Variants in RP1 observed in about 807,000 individuals in gnomAD.
The protein encoded by RP1 is oxygen-regulated protein 1.
RP1 carries 16 observed loss-of-function variants against 14.8 expected under a neutral mutation model. That is an observed-to-expected ratio of 1.08 (90% CI 0.73 to 1.65). The LOEUF (loss-of-function observed/expected upper bound fraction) is 1.65. Ranked by LOEUF, RP1 falls within the 40% of genes most tolerant of loss-of-function variation. RP1 has a pLI of 0.00. For missense variants in RP1, 2,631 were observed against 2,535.0 expected (o/e 1.04, Z -0.81); for synonymous variants, 876 against 883.6 (o/e 0.99, Z 0.15).
intron 19 of RP1, among the ~76,000 whole-genome samples, chr8:54,746,012 C>T (rs1039669044): frequency 6.6e-6 from 1 of 152,126 alleles, no homozygotes; most frequent in Admixed American, 6.6e-5. Context: ...TTCACAATGA[C>T]CAAAGGCTGC....
At chr8:54,696,577 G>A in intron 12 of RP1, 1 of 731,106 alleles carries the variant, frequency 1.4e-6, no homozygotes. Flanking sequence ...ATGACTCCTG[G>A]CAGCAGAAAC....
At chr8:54,790,661 T>C (rs1810442614) in intron 24 of RP1, among the ~76,000 whole-genome samples, 1 of 151,120 alleles carries the variant, frequency 6.6e-6, no homozygotes, top group South Asian at 2.1e-4. Flanking sequence ...AACCATTAAA[T>C]AAAATTAAAA....
chr8:54,593,551 C>T (rs1805083327), intron 1 of RP1, among the ~76,000 whole-genome samples: 1 of 152,186 alleles, frequency 6.6e-6, no homozygotes, highest in African/African-American at 2.4e-5. Context: ...TTGGTAATCA[C>T]TCACAAGTCC....
rs75781343 is a variant in RP1, at chr8:54,659,622, C to G, written c.1171+3407C>G. Among the ~76,000 whole-genome samples, 47 of 152,226 alleles carry G rather than the reference C, an allele frequency of 3.1e-4. No homozygotes were observed. The East Asian group carries it at 8.9e-3, about 29-fold the overall frequency. On this transcript the variant is annotated intron_variant, in intron 6 of 22. Transcript: ENST00000636932. ...TCCCAGTACCACACTGCCTTTATTA[C>G]TGTTGCTTTGTCATATGTATTAAAA...
chr8:54,692,866 G>A (rs1807749278), intron 12 of RP1, among the ~76,000 whole-genome samples: 2 of 151,994 alleles, frequency 1.3e-5, no homozygotes, highest in South Asian at 4.1e-4. Context: ...CATTGCTTTT[G>A]GTGTTTTAGC....
chr8:54,788,391 T>A (rs1013207045), intron 24 of RP1, among the ~76,000 whole-genome samples: 2 of 152,210 alleles, frequency 1.3e-5, no homozygotes, highest in African/African-American at 4.8e-5. Flanking sequence ...TCATTTTGAT[T>A]TTGGCATAAC....
intron 15 of RP1, among the ~76,000 whole-genome samples, chr8:54,714,124 C>T (rs1363585070): frequency 6.6e-6 from 1 of 152,122 alleles, no homozygotes; most frequent in Non-Finnish European, 1.5e-5. Flanking sequence ...CGGGGTTTCA[C>T]CATGTTGTCC....
exon 27 of RP1, chr8:54,857,028 G>T (rs1812219526): frequency 6.2e-6 from 7 of 1,129,294 alleles, no homozygotes; most frequent in Non-Finnish European, 7.8e-6. Flanking sequence ...TATTGTACAG[G>T]TTGATATTTT....
chr8:54,788,185 G>A lies in RP1; in HGVS notation c.3615+4475G>A, dbSNP rs1160050808. Among the ~76,000 whole-genome samples the A allele has an allele frequency of 4.6e-5, 7 of 152,148 alleles. No individual in the cohort carries two copies. The East Asian group carries it at 1.2e-3, about 25-fold the overall frequency. On this transcript the variant is annotated intron_variant, in intron 24 of 28. Coordinates refer to the RP1 transcript ENST00000637698. The stretch of plus-strand genomic sequence containing the variant: ...GGTGGGTGGCTATTTCTGGCATGGG[G>A]GTATGTGTAGAAATGTCTGCAGGCT...
intron 12 of RP1, among the ~76,000 whole-genome samples, chr8:54,691,627 G>A (rs183499521): frequency 6.6e-6 from 1 of 152,064 alleles, no homozygotes; most frequent in East Asian, 1.9e-4. Flanking sequence ...AGAGGCATGA[G>A]AACGGTAGTC....
At chr8:54,572,789 C>T (rs189225006) in intron 1 of RP1, among the ~76,000 whole-genome samples, 2 of 152,238 alleles carry the variant, frequency 1.3e-5, no homozygotes, top group Admixed American at 6.5e-5. Context: ...GATAGGGTAC[C>T]ATTCTTGGCT....
chr8:54,823,235 C>A (rs1470633078), intron 24 of RP1, among the ~76,000 whole-genome samples: 1 of 152,198 alleles, frequency 6.6e-6, no homozygotes, highest in Non-Finnish European at 1.5e-5. Flanking sequence ...TCATCTCTGG[C>A]AAACATGCTT....
At chr8:54,598,088 T>C (rs1306476558) in intron 1 of RP1, among the ~76,000 whole-genome samples, 1 of 152,168 alleles carries the variant, frequency 6.6e-6, no homozygotes, top group Admixed American at 6.5e-5. Context: ...ATTTTGAGAA[T>C]ATTATATAAA....
At chr8:54,848,503 C>G (rs183608606) in intron 25 of RP1, among the ~76,000 whole-genome samples, 1 of 152,278 alleles carries the variant, frequency 6.6e-6, no homozygotes, top group East Asian at 1.9e-4. Flanking sequence ...TGGTTTAAGG[C>G]TCTTCTCCCA....
chr8:54,584,241 T>C (rs1563318301), intron 1 of RP1, among the ~76,000 whole-genome samples: 2 of 152,208 alleles, frequency 1.3e-5, no homozygotes, highest in African/African-American at 2.4e-5. Context: ...TTTATTTCTG[T>C]CTTCATTTCG....
intron 24 of RP1, among the ~76,000 whole-genome samples, chr8:54,822,125 G>A (rs1811268539): frequency 6.6e-6 from 1 of 152,162 alleles, no homozygotes; most frequent in African/African-American, 2.4e-5. Flanking sequence ...TGTACAAAAT[G>A]TAGTTGTAAT....
chr8:54,661,394 G>A (rs1370668451), intron 6 of RP1, among the ~76,000 whole-genome samples: 2 of 150,550 alleles, frequency 1.3e-5, no homozygotes, highest in African/African-American at 4.9e-5. Flanking sequence ...AGGGAGGATC[G>A]CTTGAGTCTG....
chr8:54,810,114 C>T (rs750999402), intron 24 of RP1, among the ~76,000 whole-genome samples: 11 of 152,168 alleles, frequency 7.2e-5, no homozygotes, highest in Admixed American at 2.0e-4. Flanking sequence ...ATTAAAATCC[C>T]TTCTGGTTTT....
downstream of RP1, among the ~76,000 whole-genome samples, chr8:54,632,222 G>A (rs531560654): frequency 2.0e-4 from 30 of 152,104 alleles, no homozygotes; most frequent in Non-Finnish European, 3.7e-4. Flanking sequence ...TTTTAATTTG[G>A]AAGGTGTGAA....
Sources: allele counts gnomAD v4.1 joint callset (sites outside exome capture counted in the v4.1 genomes callset), GRCh38; gene constraint gnomAD v4.1.1; transcripts MANE v1.5; gene names NCBI Gene and HGNC (gene_info 2026-07-23, HGNC 2026-07-21).